Variants in PLBD2 observed in about 807,000 individuals in gnomAD.
PLBD2 encodes phospholipase B domain containing 2.
PLBD2 carries 51 observed loss-of-function variants against 68.3 expected under a neutral mutation model. The ratio of observed to expected loss-of-function variants is 0.75; its 90% confidence interval spans 0.60 to 0.94. PLBD2 has a LOEUF of 0.94. PLBD2 is among the 40% of genes least tolerant of loss of function. The probability of loss-of-function intolerance (pLI) is 0.00; values close to 1 mark genes in which losing one functional copy is unlikely to be tolerated. For synonymous variants in PLBD2, 314 were observed against 339.3 expected (o/e 0.93, Z 0.82); for missense variants, 729 against 792.2 (o/e 0.92, Z 0.96).
At chr12:113,371,204 T>G (rs1463041731) in intron 2 of PLBD2, among the ~76,000 whole-genome samples, 2 of 152,170 alleles carry the variant, frequency 1.3e-5, no homozygotes, top group African/African-American at 4.8e-5. Flanking sequence ...GCATGTGCCT[T>G]AGGATCCAGC....
intron 1 of PLBD2, among the ~76,000 whole-genome samples, chr12:113,364,424 A>G (rs1445568934): frequency 6.7e-6 from 1 of 148,196 alleles, no homozygotes; most frequent in Admixed American, 6.9e-5. Flanking sequence ...TCTTCCTCCC[A>G]TCATCACACT....
intron 8 of PLBD2, 129 bp from the exon 9 acceptor site, chr12:113,385,083 G>A (rs756179469): frequency 1.8e-4 from 235 of 1,301,022 alleles, no homozygotes; most frequent in Admixed American, 3.2e-4. Context: ...TGTCCCTGGT[G>A]GGGGCTGAAG....
At chr12:113,386,834 TA>T in intron 9 of PLBD2, 102 bp from the exon 10 acceptor site, 2 of 1,374,074 alleles carry the variant, frequency 1.5e-6, no homozygotes, top group Non-Finnish European at 2.0e-6. Flanking sequence ...GTCGTAGTTG[TA>T]AGTAATAATG....
rs1410397444 is a variant in PLBD2 at position 113,390,935 on chromosome 12, TC to T, written c.*2311del. The T allele has an allele frequency of 6.6e-6, 1 of 151,866 alleles. No individual in the cohort carries two copies. Among genetic ancestry groups the T allele is most frequent in the Non-Finnish European group, 1.5e-5 (1 of 67,938 alleles). 9.4% of individuals were successfully genotyped at this position (151,866 alleles called of 1,614,324 possible). On this transcript the variant is annotated 3_prime_UTR_variant, in exon 12 of 12. Transcript: ENST00000280800. ...CACCTACCTATTCATTTATCACCCATCCATCCACACACGGGTCTGTGCAGAT... is the reference window on the plus strand; with the variant it reads ...CACCTACCTATTCATTTATCACCCATCATCCACACACGGGTCTGTGCAGAT...
chr12:113,389,501 C>G lies in PLBD2; in HGVS notation c.*875C>G, dbSNP rs76543720. On this transcript the variant is annotated 3_prime_UTR_variant, in exon 12 of 12. Coordinates refer to ENST00000280800, the MANE Select transcript of PLBD2 (RefSeq NM_173542.4). ...TCCCCCATGCAGCCTCCTGTGCAGCCCTCTGTCTGTCCTTCTGTCCATTCA... is the reference window on the plus strand; with the variant it reads ...TCCCCCATGCAGCCTCCTGTGCAGCGCTCTGTCTGTCCTTCTGTCCATTCA... 4,074 of 152,432 alleles carry G rather than the reference C, an allele frequency of 0.027. 86 individuals carry two copies. The highest frequency in any genetic ancestry group is 0.088 in the Middle Eastern group (26 of 294). The allele number at this position is 152,432 out of a possible 1,614,324, so 9.4% of individuals were successfully genotyped here. A position where few individuals can be genotyped will look rare whatever the true frequency, so the allele number is the denominator to read the frequency against.
intron 1 of PLBD2, among the ~76,000 whole-genome samples, chr12:113,365,591 G>T (rs1957335765): frequency 6.6e-6 from 1 of 152,000 alleles, no homozygotes; most frequent in Non-Finnish European, 1.5e-5. Flanking sequence ...GGGATTACAG[G>T]CGTGAGCCAC....
chr12:113,369,316 C>G (rs1957368989), intron 2 of PLBD2, 107 bp downstream of exon 2: 1 of 748,334 alleles, frequency 1.3e-6, no homozygotes, highest in African/African-American at 1.8e-5. Flanking sequence ...CAACTCCTGC[C>G]ACAGCCCTTC....
At chr12:113,379,405 C>T in intron 5 of PLBD2, among the ~76,000 whole-genome samples, 1 of 151,864 alleles carries the variant, frequency 6.6e-6, no homozygotes, top group Admixed American at 6.6e-5. Flanking sequence ...AGAATCCCTG[C>T]TCAGCCATTT....
At chr12:113,383,476 C>G (rs1396780828) in intron 6 of PLBD2, among the ~76,000 whole-genome samples, 1 of 151,936 alleles carries the variant, frequency 6.6e-6, no homozygotes, top group Admixed American at 6.6e-5. Context: ...CTTTTGTTAC[C>G]CAGGCTGAAG....
At chr12:113,368,289 C>T (rs1011897269) in intron 1 of PLBD2, among the ~76,000 whole-genome samples, 3 of 152,188 alleles carry the variant, frequency 2.0e-5, no homozygotes, top group East Asian at 1.9e-4. Flanking sequence ...GGCAGCAGTG[C>T]TGTGTGATAA....
At chr12:113,377,607 G>T (rs562993728) in intron 5 of PLBD2, among the ~76,000 whole-genome samples, 1 of 152,032 alleles carries the variant, frequency 6.6e-6, no homozygotes, top group Non-Finnish European at 1.5e-5. Context: ...TGTATTTTCC[G>T]TAGAAATGGG....
chr12:113,385,786 T>C (rs1315511046), intron 9 of PLBD2, among the ~76,000 whole-genome samples: 1 of 152,226 alleles, frequency 6.6e-6, no homozygotes, highest in African/African-American at 2.4e-5. Flanking sequence ...AATCTTGCCC[T>C]GTCACCCAGG....
At chr12:113,368,218 C>T (rs576928021) in intron 1 of PLBD2, among the ~76,000 whole-genome samples, 246 of 152,318 alleles carry the variant, frequency 1.6e-3, no homozygotes, top group African/African-American at 5.7e-3. Context: ...AGCCAGCCTG[C>T]CTGGAAGTGA....
rs953740206 is a variant in PLBD2, at chr12:113,387,207, G to T, written c.1439+118G>T. On this transcript the variant is annotated intron_variant, in intron 10 of 11. Coordinates refer to ENST00000280800, the MANE Select transcript of PLBD2 (RefSeq NM_173542.4). ...GCTGCCAGCCCCAGAGGGCCAGCAGGGGGTGGTCAGATGTTGGACACCAGT... is the reference window on the plus strand; with the variant it reads ...GCTGCCAGCCCCAGAGGGCCAGCAGTGGGTGGTCAGATGTTGGACACCAGT... The T allele has an allele frequency of 3.8e-5, 50 of 1,324,054 alleles. 1 individual carries two copies. The South Asian group carries it at 5.8e-4, about 15-fold the overall frequency. The allele number at this position is 1,324,054 out of a possible 1,614,324, so 82.0% of individuals were successfully genotyped here. A position where few individuals can be genotyped will look rare whatever the true frequency, so the allele number is the denominator to read the frequency against.
rs1476904039 is a variant in PLBD2 at position 113,389,618 on chromosome 12, C to A, written c.*992C>A. On this transcript the variant is annotated 3_prime_UTR_variant, in exon 12 of 12. Transcript: ENST00000280800. ...TCATCCATCCATCCATCTACCTATC[C>A]ATTTATCATCCATCCACTCACCCAT... The A allele has an allele frequency of 2.0e-5, 3 of 152,048 alleles. No homozygotes were observed. The highest frequency in any genetic ancestry group is 7.3e-5 in the African/African-American group (3 of 41,356). The allele number at this position is 152,048 out of a possible 1,614,324, so 9.4% of individuals were successfully genotyped here.
intron 1 of PLBD2, among the ~76,000 whole-genome samples, chr12:113,360,600 A>G (rs7973232): frequency 0.09 from 13,725 of 152,260 alleles, 820 homozygotes; most frequent in East Asian, 0.22. Context: ...TCAAGGTAGG[A>G]CCAAAAGGGT....
intron 6 of PLBD2, among the ~76,000 whole-genome samples, chr12:113,383,394 G>A (rs1176885025): frequency 1.3e-5 from 2 of 152,272 alleles, no homozygotes; most frequent in African/African-American, 4.8e-5. Context: ...ATCCTCCTGC[G>A]TGCTTGTCCA....
In PLBD2 at chr12:113,369,253, C is replaced by T. The variant is rs747113864; in HGVS notation, c.384+44C>T. ...ACATGGGGCTCCCACCCTGCCCCAG[C>T]CCCACAAGCATGTTCCCCAGTGTGC... On this transcript the variant is annotated intron_variant, in intron 2 of 11. Transcript: ENST00000280800. 5 of 1,484,990 alleles carry T rather than the reference C, an allele frequency of 3.4e-6. No homozygotes were observed. In the Admixed American group the frequency reaches 8.1e-5, roughly 24 times the overall value. The allele number at this position is 1,484,990 out of a possible 1,614,324, so 92.0% of individuals were successfully genotyped here.
chr12:113,371,503 A>G (rs779468735), intron 2 of PLBD2, among the ~76,000 whole-genome samples: 1 of 152,130 alleles, frequency 6.6e-6, no homozygotes, highest in South Asian at 2.1e-4. Context: ...GCCCTCTGGG[A>G]CCTTAGTGTC....
Sources: gnomAD v4.1 joint callset for allele counts (sites outside exome capture counted in the v4.1 genomes callset) on GRCh38, gnomAD v4.1.1 for gene constraint, MANE v1.5 for transcripts, NCBI Gene and HGNC (gene_info 2026-07-23, HGNC 2026-07-21) for gene names.